Variants in FRMD3 observed in about 807,000 individuals in gnomAD.
The protein encoded by FRMD3 is FERM domain-containing protein 3.
In FRMD3, 33 loss-of-function variants were observed where a neutral mutation model predicts 70.2. The ratio of observed to expected loss-of-function variants is 0.47; its 90% confidence interval spans 0.36 to 0.63. The LOEUF (loss-of-function observed/expected upper bound fraction) is 0.63, where lower values mean the gene tolerates loss of function less well. FRMD3 is among the 20% of genes least tolerant of loss of function. The pLI is 0.00. For missense variants in FRMD3, 632 were observed against 711.4 expected (o/e 0.89, Z 1.27); for synonymous variants, 279 against 255.9 (o/e 1.09, Z -0.86).
intron 1 of FRMD3, among the ~76,000 whole-genome samples, chr9:83,531,379 C>T (rs1829788760): frequency 1.3e-5 from 2 of 152,286 alleles, no homozygotes; most frequent in South Asian, 2.1e-4. Context: ...ATACACTTTG[C>T]CTTTGCTTTG....
At chr9:83,353,636 G>C (rs1824237155) in intron 3 of FRMD3, among the ~76,000 whole-genome samples, 1 of 152,150 alleles carries the variant, frequency 6.6e-6, no homozygotes, top group South Asian at 2.1e-4. Flanking sequence ...TTCATCCCTT[G>C]GTCCCTCTGA....
At chr9:83,458,228 G>A (rs940209252) in intron 1 of FRMD3, among the ~76,000 whole-genome samples, 6 of 152,166 alleles carry the variant, frequency 3.9e-5, no homozygotes, top group African/African-American at 7.2e-5. Flanking sequence ...AAATGGACAG[G>A]GGCTTCGCTC....
intron 1 of FRMD3, among the ~76,000 whole-genome samples, chr9:83,474,741 A>G (rs1270793736): frequency 1.3e-5 from 2 of 152,018 alleles, no homozygotes; most frequent in African/African-American, 2.4e-5. Context: ...GAGTAAGGAC[A>G]CACAGAAGCC....
intron 13 of FRMD3, among the ~76,000 whole-genome samples, chr9:83,280,612 T>A (rs1833945101): frequency 6.6e-6 from 1 of 152,248 alleles, no homozygotes; most frequent in Admixed American, 6.5e-5. Flanking sequence ...TTCGTTTTGG[T>A]AGACTCATCT....
the FRMD3 span, among the ~76,000 whole-genome samples, chr9:83,566,862 G>T: frequency 1.3e-5 from 2 of 152,206 alleles, no homozygotes; most frequent in Non-Finnish European, 2.9e-5. Flanking sequence ...TCACGGGCTG[G>T]CATTGAGTGT....
intron 13 of FRMD3, among the ~76,000 whole-genome samples, chr9:83,289,004 C>A (rs1834319141): frequency 6.6e-6 from 1 of 152,206 alleles, no homozygotes; most frequent in Non-Finnish European, 1.5e-5. Flanking sequence ...GGTACAGTCA[C>A]AATTCCAGTT....
chr9:83,307,219 A>G (rs1835167109), intron 10 of FRMD3, among the ~76,000 whole-genome samples: 1 of 152,230 alleles, frequency 6.6e-6, no homozygotes, highest in African/African-American at 2.4e-5. Context: ...CATTCAAGAA[A>G]GAACAGAAGA....
chr9:83,391,651 A>G (rs902580764), intron 1 of FRMD3, among the ~76,000 whole-genome samples: 1 of 152,168 alleles, frequency 6.6e-6, no homozygotes, highest in Non-Finnish European at 1.5e-5. Context: ...ACAGCAACCA[A>G]TATACACCCT....
At chr9:83,442,932 C>G (rs922553127) in intron 1 of FRMD3, among the ~76,000 whole-genome samples, 2 of 152,108 alleles carry the variant, frequency 1.3e-5, no homozygotes, top group Admixed American at 1.3e-4. Flanking sequence ...TCATACTAAT[C>G]TATACTTATG....
intron 1 of FRMD3, among the ~76,000 whole-genome samples, chr9:83,500,502 G>GCACACACACA (rs3084172): frequency 5.9e-4 from 85 of 143,808 alleles, no homozygotes; most frequent in African/African-American, 2.0e-3. Context: ...GTGTATGCGC[G>GCACACACACA]CACACACACA....
chr9:83,499,310 G>T (rs1236100395), intron 1 of FRMD3, among the ~76,000 whole-genome samples: 4 of 152,146 alleles, frequency 2.6e-5, no homozygotes, highest in East Asian at 1.9e-4. Context: ...TCAAACGGAG[G>T]AGCTGTGAAG....
chr9:83,313,224 G>A (rs552384091), intron 7 of FRMD3, among the ~76,000 whole-genome samples: 1 of 152,306 alleles, frequency 6.6e-6, no homozygotes, highest in East Asian at 1.9e-4. Flanking sequence ...GAGAAACACT[G>A]TCAAATATGA....
intron 2 of FRMD3, among the ~76,000 whole-genome samples, chr9:83,381,442 G>T (rs1456351754): frequency 2.0e-5 from 3 of 152,008 alleles, no homozygotes; most frequent in African/African-American, 7.2e-5. Context: ...TGTATTCCCA[G>T]CTACTCAGGA....
chr9:83,257,921 C>T (rs150501245), intron 13 of FRMD3, among the ~76,000 whole-genome samples: 2 of 152,258 alleles, frequency 1.3e-5, no homozygotes, highest in East Asian at 3.9e-4. Flanking sequence ...ATAGAAAACA[C>T]TCAATAATGT....
At chr9:83,401,073 G>T (rs1226457596) in intron 1 of FRMD3, among the ~76,000 whole-genome samples, 1 of 152,164 alleles carries the variant, frequency 6.6e-6, no homozygotes, top group Non-Finnish European at 1.5e-5. Context: ...CATTCACTTA[G>T]AACTTCCTTA....
Position 83,246,115 on chromosome 9 carries a change from C to A in FRMD3, c.*1803G>T, listed in dbSNP as rs1472597288. 2.5e-5 allele frequency: 25 copies of A among 983,164 alleles called. No individual in the cohort carries two copies. The highest frequency in any genetic ancestry group is 2.8e-5 in the Non-Finnish European group (23 of 828,058). The allele number at this position is 983,164 out of a possible 1,614,324, so 60.9% of individuals were successfully genotyped here. On this transcript the variant is annotated 3_prime_UTR_variant, in exon 14 of 14. Transcript: ENST00000304195. ...AATGTCCAGTGAAGTACTCAGAGCT[C>A]CACTGAGTGAGTGGAAATGTATTGC... is the stretch of plus-strand genomic sequence containing the variant.
At chr9:83,357,245 ACAT>A (rs1564032561) in intron 3 of FRMD3, among the ~76,000 whole-genome samples, 486 of 6,476 alleles carry the variant, frequency 0.075, 64 homozygotes, top group Non-Finnish European at 0.1. Context: ...TATAATACAT[ACAT>A]ATATATATAT....
chr9:83,428,853 T>C (rs574698309), intron 1 of FRMD3, among the ~76,000 whole-genome samples: 1 of 152,276 alleles, frequency 6.6e-6, no homozygotes, highest in South Asian at 2.1e-4. Flanking sequence ...CCCAATAATG[T>C]ATGTTTTACT....
intron 13 of FRMD3, among the ~76,000 whole-genome samples, chr9:83,260,264 G>A (rs1295925391): frequency 6.6e-6 from 1 of 152,152 alleles, no homozygotes; most frequent in African/African-American, 2.4e-5. Flanking sequence ...AGAAAAATGA[G>A]GCATAGGCAA....
Sources: gnomAD v4.1 joint callset for allele counts (sites outside exome capture counted in the v4.1 genomes callset) on GRCh38, gnomAD v4.1.1 for gene constraint, MANE v1.5 for transcripts, NCBI Gene and HGNC (gene_info 2026-07-23, HGNC 2026-07-21) for gene names.